The following CSNK2A1 variants were observed in gnomAD, a reference collection of about 807,000 sequenced individuals.
CSNK2A1 encodes the protein casein kinase 2 alpha 1, also known as casein kinase II subunit alpha.
CSNK2A1 carries 10 observed loss-of-function variants against 62.9 expected under a neutral mutation model. The ratio of observed to expected loss-of-function variants is 0.16; its 90% CI spans 0.10 to 0.27. The LOEUF (loss-of-function observed/expected upper bound fraction) is 0.27. Ranked by LOEUF, CSNK2A1 falls within the 10% of genes least tolerant of loss-of-function variation. The probability of loss-of-function intolerance (pLI) is 1.00; values close to 1 mark genes in which losing one functional copy is unlikely to be tolerated. For missense variants in CSNK2A1, 160 were observed against 492.0 expected (o/e 0.33, Z 6.38); for synonymous variants, 124 against 167.8 (o/e 0.74, Z 2.02).
At chr20:524,001 G>C (rs1053145505) in intron 2 of CSNK2A1, among the ~76,000 whole-genome samples, 1 of 151,740 alleles carries the variant, frequency 6.6e-6, no homozygotes, top group Non-Finnish European at 1.5e-5. Context: ...TGTGATGGTA[G>C]TTACTTGAAT....
intron 1 of CSNK2A1, among the ~76,000 whole-genome samples, chr20:529,192 T>A (rs1433435978): frequency 7.1e-6 from 1 of 141,668 alleles, no homozygotes; most frequent in Non-Finnish European, 1.5e-5. Flanking sequence ...TCCTGGCTAT[T>A]TTTTTTTTTT....
intron 3 of CSNK2A1, among the ~76,000 whole-genome samples, chr20:505,558 C>T (rs1389825045): frequency 7.3e-5 from 11 of 151,444 alleles, no homozygotes; most frequent in Admixed American, 6.6e-4. Flanking sequence ...ACGGCGGGTC[C>T]TCACCGTGTT....
At chr20:538,869 T>C (rs961409335) in intron 1 of CSNK2A1, among the ~76,000 whole-genome samples, 8 of 152,190 alleles carry the variant, frequency 5.3e-5, no homozygotes, top group South Asian at 2.1e-4. Flanking sequence ...ATCCAAGATA[T>C]GGAAGAACCA....
At position 495,392 on chromosome 20, in the gene CSNK2A1, G is replaced by A. The variant is rs994410218; in HGVS notation, c.510+327C>T. ...CTGCAGGGCTATTATTACCCACACT[G>A]TACACGTAAGAAAAAGAAGGCAAAT... is the stretch of plus-strand genomic sequence containing the variant. On this transcript the variant is annotated intron_variant, in intron 8 of 13. Transcript: ENST00000217244. 4 of 306,216 alleles carry A rather than the reference G, an allele frequency of 1.3e-5. No homozygotes were observed. In the East Asian group the frequency reaches 3.1e-4, roughly 24 times the overall value. 19.0% of individuals were successfully genotyped at this position (306,216 alleles called of 1,614,324 possible). A position where few individuals can be genotyped will look rare whatever the true frequency, so the allele number is the denominator to read the frequency against.
intron 1 of CSNK2A1, among the ~76,000 whole-genome samples, chr20:530,472 T>TC (rs2019190310): frequency 1.3e-5 from 2 of 150,608 alleles, no homozygotes; most frequent in South Asian, 2.1e-4. Flanking sequence ...TTTTTCCTTT[T>TC]TTTTTTTTTT....
intron 13 of CSNK2A1, among the ~76,000 whole-genome samples, chr20:485,094 AAAAAAAAAAAAAAAAATATATATATAT>A (rs2018053742): frequency 5.4e-4 from 26 of 48,084 alleles, no homozygotes; most frequent in African/African-American, 1.7e-3. Flanking sequence ...AAAAAAAAAA[AAAAAAAAAAAAAAAAATATATATATAT>A]ATATATATAT....
chr20:489,979 A>C, intron 9 of CSNK2A1, 98 bp from the exon 10 acceptor site: 4 of 924,784 alleles, frequency 4.3e-6, no homozygotes, highest in Non-Finnish European at 4.6e-6. Flanking sequence ...AAATCACTCC[A>C]CTGACTCAAA....
intron 4 of CSNK2A1, chr20:500,625 A>G (rs1208642958): frequency 6.7e-6 from 1 of 150,032 alleles, no homozygotes; most frequent in Admixed American, 6.7e-5. Context: ...TAGCCTGATC[A>G]CCAATGCTCT....
chr20:534,069 T>C (rs1164286471), intron 1 of CSNK2A1, among the ~76,000 whole-genome samples: 4 of 152,248 alleles, frequency 2.6e-5, no homozygotes, highest in Admixed American at 2.6e-4. Flanking sequence ...CACTTATGAA[T>C]GTAATAACTA....
In CSNK2A1 at chr20:474,967, T is replaced by C. The variant is rs1170636373; in HGVS notation, c.*8994A>G. 1 of 152,198 alleles carries C rather than the reference T, an allele frequency of 6.6e-6. No individual in the cohort carries two copies. The highest frequency in any genetic ancestry group is 1.5e-5 in the Non-Finnish European group (1 of 68,038). 9.4% of individuals were successfully genotyped at this position (152,198 alleles called of 1,614,324 possible). Reference sequence around the variant, plus strand: ...TTTTAAACATTTGAACTCTAGCAAATATACTGAGAAGTGCCCCAAACGTAA... The same window carrying C: ...TTTTAAACATTTGAACTCTAGCAAACATACTGAGAAGTGCCCCAAACGTAA... On this transcript the variant is annotated 3_prime_UTR_variant, in exon 14 of 14. Coordinates refer to ENST00000217244, the MANE Select transcript of CSNK2A1 (RefSeq NM_177559.3).
intron 2 of CSNK2A1, among the ~76,000 whole-genome samples, chr20:518,756 C>T (rs1332061231): frequency 2.8e-5 from 4 of 143,108 alleles, no homozygotes; most frequent in Admixed American, 7.1e-5. Context: ...GGGGTTTCAC[C>T]GTGTTAGCCA....
intron 2 of CSNK2A1, among the ~76,000 whole-genome samples, chr20:522,349 C>T (rs1476166843): frequency 6.6e-6 from 1 of 152,230 alleles, no homozygotes; most frequent in Non-Finnish European, 1.5e-5. Context: ...GTCACTTTGA[C>T]ATCATATGCC....
chr20:495,607 T>C, intron 8 of CSNK2A1, 112 bp downstream of exon 8: 1 of 796,906 alleles, frequency 1.3e-6, no homozygotes, highest in Admixed American at 2.2e-5. Context: ...CAAATATTTC[T>C]CAACTGCCGA....
chr20:524,849 C>T (rs1375282783), intron 2 of CSNK2A1, among the ~76,000 whole-genome samples: 2 of 151,684 alleles, frequency 1.3e-5, no homozygotes, highest in Non-Finnish European at 2.9e-5. Context: ...AAGAGCTGGG[C>T]ACAGCTCAGG....
At chr20:505,586 T>C (rs1490349186) in intron 3 of CSNK2A1, among the ~76,000 whole-genome samples, 2 of 151,504 alleles carry the variant, frequency 1.3e-5, no homozygotes, top group Non-Finnish European at 2.9e-5. Context: ...ATGGTCTCGA[T>C]CTCCTGACCT....
Position 478,909 on chromosome 20 carries a change from A to G in CSNK2A1, c.*5052T>C, listed in dbSNP as rs1267070076. ...GCTACTGCACTCTAGCCTGGGTAACAGAGCAAGACCCGTATCAAAAAACAA... is the reference window on the plus strand; with the variant it reads ...GCTACTGCACTCTAGCCTGGGTAACGGAGCAAGACCCGTATCAAAAAACAA... On this transcript the variant is annotated 3_prime_UTR_variant, in exon 14 of 14. Coordinates refer to ENST00000217244, the MANE Select transcript of CSNK2A1 (RefSeq NM_177559.3). 5.4e-6 allele frequency: 1 copy of G among 185,572 alleles called. No homozygotes were observed. Among genetic ancestry groups the G allele is most frequent in the African/African-American group, 2.4e-5 (1 of 41,610 alleles). The allele number at this position is 185,572 out of a possible 1,614,324, so 11.5% of individuals were successfully genotyped here.
Position 476,091 on chromosome 20 carries a change from C to T in CSNK2A1, c.*7870G>A, listed in dbSNP as rs1157850069. 1 of 152,256 alleles carries T rather than the reference C, an allele frequency of 6.6e-6. No individual in the cohort carries two copies. The highest frequency in any genetic ancestry group is 1.5e-5 in the Non-Finnish European group (1 of 68,092). 9.4% of individuals were successfully genotyped at this position (152,256 alleles called of 1,614,324 possible). A position where few individuals can be genotyped will look rare whatever the true frequency, so the allele number is the denominator to read the frequency against. ...GGCAACATAGCTGTGCAAAAGCAGC[C>T]CCACAAGCAAAATTGAGCCAGGAGA... On this transcript the variant is annotated 3_prime_UTR_variant, in exon 14 of 14. Coordinates refer to ENST00000217244, the MANE Select transcript of CSNK2A1 (RefSeq NM_177559.3).
chr20:521,093 T>C (rs2018935970), intron 2 of CSNK2A1, among the ~76,000 whole-genome samples: 1 of 152,198 alleles, frequency 6.6e-6, no homozygotes, highest in African/African-American at 2.4e-5. Flanking sequence ...TAAACTGAAC[T>C]TCATCAACGT....
intron 8 of CSNK2A1, among the ~76,000 whole-genome samples, chr20:493,250 A>G (rs1367340430): frequency 6.6e-6 from 1 of 152,082 alleles, no homozygotes; most frequent in Non-Finnish European, 1.5e-5. Context: ...TGAAGGTTCT[A>G]TCATATTGTG....
Sources: allele counts gnomAD v4.1 joint callset (sites outside exome capture counted in the v4.1 genomes callset), GRCh38; gene constraint gnomAD v4.1.1; transcripts MANE v1.5; gene names NCBI Gene and HGNC (gene_info 2026-07-23, HGNC 2026-07-21).